STPG2: variants seen among roughly 807,000 people sequenced by gnomAD.
STPG2 encodes sperm tail PG-rich repeat containing 2.
Under a neutral mutation model 54.2 loss-of-function variants are expected in STPG2, and 56 were observed. The observed-to-expected ratio is 1.03, with a 90% CI of 0.83 to 1.29. The LOEUF (loss-of-function observed/expected upper bound fraction) is 1.29. STPG2 is among the 50% of genes most tolerant of loss of function. STPG2 has a pLI of 0.00. For synonymous variants in STPG2, 200 were observed against 181.8 expected, an observed-to-expected ratio of 1.10 and a Z score of -0.81; for missense variants, 596 against 544.9, an observed-to-expected ratio of 1.09 and a Z score of -0.93.
At chr4:97,841,475 ATAAT>A (rs775432959) in intron 8 of STPG2, among the ~76,000 whole-genome samples, 6 of 151,938 alleles carry the variant, frequency 3.9e-5, no homozygotes, top group Admixed American at 6.6e-5. Context: ...AATAAATATA[ATAAT>A]TAATTCTAAA....
rs1273283023 is a variant in STPG2 at position 97,880,489 on chromosome 4, A to G, written c.1045-39557T>C. ...GCAGAGTATAGAAAATAAACCCTTGAGAAGGGTATCAGAATTCCTGATTTC... is the reference window on the plus strand; with the variant it reads ...GCAGAGTATAGAAAATAAACCCTTGGGAAGGGTATCAGAATTCCTGATTTC... On this transcript the variant is annotated intron_variant, in intron 8 of 10. Transcript: ENST00000295268. Among the ~76,000 whole-genome samples, 7 of 152,182 alleles carry G rather than the reference A, an allele frequency of 4.6e-5. No homozygotes were observed. The South Asian group carries it at 1.0e-3, about 22-fold the overall frequency.
At position 97,743,972 on chromosome 4, in the gene STPG2, C is replaced by G. The variant is rs549807937; in HGVS notation, c.1205-31158G>C. ...GAGGATACAGTAGAGGATTAGAATA[C>G]AGAGGGAATGAAGAATAAAAAATAA... is the stretch of plus-strand genomic sequence containing the variant. On this transcript the variant is annotated intron_variant, in intron 9 of 10. Transcript: ENST00000295268. Among the ~76,000 whole-genome samples the G allele has an allele frequency of 4.6e-5, 7 of 151,440 alleles. No individual in the cohort carries two copies. The South Asian group carries it at 1.5e-3, about 31-fold the overall frequency.
intron 2 of STPG2, among the ~76,000 whole-genome samples, chr4:98,133,813 G>A (rs1239562982): frequency 6.6e-6 from 1 of 151,950 alleles, no homozygotes; most frequent in Non-Finnish European, 1.5e-5. Flanking sequence ...ACATATAAAT[G>A]CAAAATTTAT....
chr4:97,514,294 A>G (rs1365388235), intron 4 of STPG2, among the ~76,000 whole-genome samples: 1 of 152,080 alleles, frequency 6.6e-6, no homozygotes, highest in Non-Finnish European at 1.5e-5. Flanking sequence ...AAATAAGAGA[A>G]AGGAGATGAA....
chr4:98,064,764 T>C (rs1331465552), intron 5 of STPG2, among the ~76,000 whole-genome samples: 6 of 152,178 alleles, frequency 3.9e-5, no homozygotes, highest in African/African-American at 9.7e-5. Context: ...TGTTAGAAAA[T>C]TTCTCAATGT....
At chr4:97,968,619 A>T (rs1277034221) in intron 7 of STPG2, among the ~76,000 whole-genome samples, 1 of 152,216 alleles carries the variant, frequency 6.6e-6, no homozygotes, top group Admixed American at 6.5e-5. Context: ...CTGAGATGCA[A>T]GGCTGGTTCA....
intron 10 of STPG2, among the ~76,000 whole-genome samples, chr4:97,645,350 A>T (rs1721882418): frequency 6.6e-6 from 1 of 151,954 alleles, no homozygotes; most frequent in Admixed American, 6.6e-5. Flanking sequence ...GTGATTAGTT[A>T]AGCTCTATGG....
At chr4:98,023,289 C>G (rs1736291219) in intron 5 of STPG2, among the ~76,000 whole-genome samples, 1 of 150,902 alleles carries the variant, frequency 6.6e-6, no homozygotes, top group Non-Finnish European at 1.5e-5. Context: ...CCACTCCAGA[C>G]CCTGTTTGCC....
chr4:97,676,602 G>T, intron 10 of STPG2, among the ~76,000 whole-genome samples: 1 of 135,506 alleles, frequency 7.4e-6, no homozygotes, highest in African/African-American at 2.7e-5. Flanking sequence ...AGGGAGGGGG[G>T]ATGGGCAAGA....
chr4:98,054,392 A>G (rs1474870622), intron 5 of STPG2, among the ~76,000 whole-genome samples: 2 of 152,188 alleles, frequency 1.3e-5, no homozygotes, highest in Non-Finnish European at 2.9e-5. Context: ...CCCCTAAATT[A>G]TTATGAATGT....
chr4:97,563,043 T>C (rs1732305519), intron 10 of STPG2, among the ~76,000 whole-genome samples: 4 of 152,194 alleles, frequency 2.6e-5, no homozygotes, highest in Admixed American at 2.6e-4. Context: ...GTACCTCTGG[T>C]AGAATTCGGC....
chr4:97,626,487 A>G (rs1169814844), intron 10 of STPG2, among the ~76,000 whole-genome samples: 2 of 152,132 alleles, frequency 1.3e-5, no homozygotes, highest in East Asian at 3.9e-4. Context: ...TTGTACACAC[A>G]TCTGCTATAT....
chr4:97,706,632 A>C (rs1203190256), intron 10 of STPG2, among the ~76,000 whole-genome samples: 1 of 152,174 alleles, frequency 6.6e-6, no homozygotes, highest in Non-Finnish European at 1.5e-5. Flanking sequence ...GTAGTCTGAA[A>C]ACCCAACTTG....
intron 10 of STPG2, among the ~76,000 whole-genome samples, chr4:97,697,602 A>G (rs1723619846): frequency 6.6e-6 from 1 of 152,176 alleles, no homozygotes; most frequent in Admixed American, 6.6e-5. Flanking sequence ...TTGCAAAAAC[A>G]AAAAGGGGGA....
At chr4:98,055,331 G>A (rs1437631201) in intron 5 of STPG2, among the ~76,000 whole-genome samples, 1 of 151,928 alleles carries the variant, frequency 6.6e-6, no homozygotes, top group Admixed American at 6.6e-5. Flanking sequence ...CCCATGGAGG[G>A]ACTGAGATGA....
chr4:97,886,167 C>A (rs1399034713), intron 8 of STPG2, among the ~76,000 whole-genome samples: 1 of 152,112 alleles, frequency 6.6e-6, no homozygotes, highest in African/African-American at 2.4e-5. Context: ...TAGTACTCAT[C>A]TGGGAAAATC....
chr4:97,515,802 GTGTA>G (rs1475655745), intron 4 of STPG2, among the ~76,000 whole-genome samples: 1 of 151,876 alleles, frequency 6.6e-6, no homozygotes, highest in African/African-American at 2.4e-5. Flanking sequence ...ATACTTATGT[GTGTA>G]TGTGTGTGTG....
intron 4 of STPG2, among the ~76,000 whole-genome samples, chr4:97,504,435 G>C (rs924419544): frequency 2.0e-5 from 3 of 151,638 alleles, no homozygotes; most frequent in Admixed American, 1.3e-4. Context: ...GTGGTAGGGA[G>C]AGAATGTGGG....
chr4:97,553,883 AG>A (rs1480150512), downstream of STPG2, among the ~76,000 whole-genome samples: 1 of 152,208 alleles, frequency 6.6e-6, no homozygotes, highest in Non-Finnish European at 1.5e-5. Context: ...TGTTTTTCTC[AG>A]TATTGGCTCA....
Sources: gnomAD v4.1 joint callset for allele counts (sites outside exome capture counted in the v4.1 genomes callset) on GRCh38, gnomAD v4.1.1 for gene constraint, MANE v1.5 for transcripts, NCBI Gene and HGNC (gene_info 2026-07-23, HGNC 2026-07-21) for gene names.